SRD5A3: variants seen among roughly 807,000 people sequenced by gnomAD.
SRD5A3 encodes the protein polyprenal reductase.
SRD5A3 carries 24 observed loss-of-function variants against 34.3 expected under a neutral mutation model. That is an observed-to-expected ratio of 0.70 (90% CI 0.51 to 0.99). The LOEUF (loss-of-function observed/expected upper bound fraction) is 0.99. Among genes scored for constraint, SRD5A3 ranks in the 50% least tolerant of loss-of-function variants. The probability of loss-of-function intolerance (pLI) is 0.00; values close to 1 mark genes in which losing one functional copy is unlikely to be tolerated. For missense variants in SRD5A3, 350 were observed against 388.2 expected (o/e 0.90, Z 0.83); for synonymous variants, 161 against 167.3 (o/e 0.96, Z 0.29).
intron 4 of SRD5A3, 26 bp from the exon 5 acceptor site, chr4:55,369,806 T>C: frequency 6.2e-7 from 1 of 1,614,032 alleles, no homozygotes; most frequent in Non-Finnish European, 8.5e-7. Flanking sequence ...TTTAAATGCT[T>C]ATGAGATCTT....
chr4:55,367,463 A>C, intron 3 of SRD5A3, 125 bp from the exon 4 acceptor site: 3 of 1,155,954 alleles, frequency 2.6e-6, no homozygotes, highest in Middle Eastern at 4.4e-4. Context: ...GTACTTGGGA[A>C]ATTATATTAG....
chr4:55,348,337 CA>C lies in SRD5A3; in HGVS notation c.221+1788del, dbSNP rs542060126. Among the ~76,000 whole-genome samples the C allele has an allele frequency of 7.3e-5, 11 of 151,494 alleles. No individual in the cohort carries two copies. The East Asian group carries it at 1.7e-3, about 24-fold the overall frequency. ...ATAATGAAAGGCATTTTTATTGTGA[CA>C]AAAAAAAGATAACTTGCATCAAAAC... On this transcript the variant is annotated intron_variant, in intron 1 of 4. Coordinates refer to ENST00000264228, the MANE Select transcript of SRD5A3 (RefSeq NM_024592.5).
chr4:55,367,953 T>A (rs1376305920), intron 4 of SRD5A3, among the ~76,000 whole-genome samples: 1 of 152,196 alleles, frequency 6.6e-6, no homozygotes, highest in Admixed American at 6.5e-5. Context: ...CTACGTTTTG[T>A]GTCTGATCAG....
rs1719218475 is a variant in SRD5A3 at position 55,352,172 on chromosome 4, GA to G, written c.221+5619del. 1.6e-5 allele frequency: 14 copies of G among 895,976 alleles called. No individual in the cohort carries two copies. In the Admixed American group the frequency reaches 1.9e-4, roughly 12 times the overall value. The allele number at this position is 895,976 out of a possible 1,614,324, so 55.5% of individuals were successfully genotyped here. A position where few individuals can be genotyped will look rare whatever the true frequency, so the allele number is the denominator to read the frequency against. On this transcript the variant is annotated intron_variant, in intron 1 of 4. Transcript: ENST00000264228. ...CACTAAGTCTGGTTTGGCTTTTATG[GA>G]AAAGTTGATAAAGGTTGGTATCAAT...
chr4:55,352,209 TA>T, intron 1 of SRD5A3: 1 of 972,434 alleles, frequency 1.0e-6, no homozygotes, highest in Non-Finnish European at 1.7e-6. Context: ...GAGGATGTGG[TA>T]AGGTGGGCCC....
Position 55,369,815 on chromosome 4 carries a change from T to C in SRD5A3, c.698-17T>C, listed in dbSNP as rs1403857451. The C allele has an allele frequency of 6.2e-7, 1 of 1,614,152 alleles. No homozygotes were observed. The highest frequency in any genetic ancestry group is 2.2e-5 in the East Asian group (1 of 44,884). ...CAAACCTTTAAATGCTTATGAGATC[T>C]TCTTTTACCCTTTCAGGAGTGGTCA... On this transcript the variant is annotated splice_polypyrimidine_tract_variant and intron_variant, in intron 4 of 4. Transcript: ENST00000264228.
At chr4:55,356,587 G>C (rs556435743) in intron 1 of SRD5A3, among the ~76,000 whole-genome samples, 3 of 151,810 alleles carry the variant, frequency 2.0e-5, no homozygotes, top group Non-Finnish European at 2.9e-5. Context: ...TGAGCCTCCC[G>C]AGTAGCTGGA....
At chr4:55,356,540 T>C (rs1719468440) in intron 1 of SRD5A3, among the ~76,000 whole-genome samples, 1 of 151,548 alleles carries the variant, frequency 6.6e-6, no homozygotes, top group Non-Finnish European at 1.5e-5. Context: ...GCTGGAGTGC[T>C]GTGGCGGCAT....
At chr4:55,360,397 T>G (rs2109475003) in intron 2 of SRD5A3, among the ~76,000 whole-genome samples, 1 of 151,344 alleles carries the variant, frequency 6.6e-6, no homozygotes, top group South Asian at 2.1e-4. Context: ...TCCCAGCTAC[T>G]CGGGAGGCTG....
chr4:55,356,000 ATTTT>A (rs10648522), intron 1 of SRD5A3, among the ~76,000 whole-genome samples: 125 of 74,284 alleles, frequency 1.7e-3, no homozygotes, highest in Admixed American at 7.2e-3. Flanking sequence ...TTTTGCCTCC[ATTTT>A]TTTTTTTTTT....
rs376616205 is a variant in SRD5A3 at position 55,367,642 on chromosome 4, G to T, written c.617G>T (p.Gly206Val). Residue 206 changes from glycine to valine, a missense_variant, in exon 4 of 5, where the codon GGG becomes GTG. This residue lies in a region of SRD5A3 where 186 missense variants were observed against 221.4 expected (regional missense o/e 0.84). Coordinates refer to ENST00000264228, the MANE Select transcript of SRD5A3 (RefSeq NM_024592.5). ...LMQARWFHIL[G>V]MMMFIWSSAH... Reference sequence around the variant, plus strand: ...CAAGCACGGTGGTTCCATATTCTTGGGATGATGATGTTCATCTGGTCATCT... The same window carrying T: ...CAAGCACGGTGGTTCCATATTCTTGTGATGATGATGTTCATCTGGTCATCT... 5.6e-6 allele frequency: 9 copies of T among 1,613,968 alleles called. No homozygotes were observed. Among genetic ancestry groups the T allele is most frequent in the African/African-American group, 2.7e-5 (2 of 74,900 alleles).
intron 3 of SRD5A3, chr4:55,364,615 C>T: frequency 3.2e-6 from 1 of 308,032 alleles, no homozygotes; most frequent in Non-Finnish European, 6.3e-6. Flanking sequence ...ACTGGGGAGG[C>T]TGAGGCAGGA....
At position 55,359,383 on chromosome 4, in the gene SRD5A3, A is replaced by G. The variant is rs543050183; in HGVS notation, c.259A>G (p.Asn87Asp). ...CTTTTATATCATCTCAGTGCTGTGGAATGGCTTCCTGCTTTGGTGCCTTAC... is the reference window on the plus strand; with the variant it reads ...CTTTTATATCATCTCAGTGCTGTGGGATGGCTTCCTGCTTTGGTGCCTTAC... ...SHFYIISVLW[N>D]GFLLWCLTQS... The change falls in exon 2 of 5, where the codon AAT becomes GAT. Residue 87 changes from asparagine to aspartate, a missense_variant. Transcript: ENST00000264228. The G allele has an allele frequency of 4.3e-6, 7 of 1,613,772 alleles. No homozygotes were observed. The South Asian group carries it at 7.7e-5, about 18-fold the overall frequency.
chr4:55,368,402 T>G (rs1340513437), intron 4 of SRD5A3, among the ~76,000 whole-genome samples: 2 of 79,172 alleles, frequency 2.5e-5, no homozygotes, highest in Admixed American at 2.4e-4. Context: ...ATAGTTTTAT[T>G]TATTTATTTA....
chr4:55,348,019 A>G (rs7691980), intron 1 of SRD5A3, among the ~76,000 whole-genome samples: 2,280 of 152,324 alleles, frequency 0.015, 53 homozygotes, highest in African/African-American at 0.052. Flanking sequence ...TAAATGGCAC[A>G]TGTAAAATCA....
intron 1 of SRD5A3, 22 bp downstream of exon 1, chr4:55,346,579 G>A: frequency 6.4e-7 from 1 of 1,559,774 alleles, no homozygotes; most frequent in Non-Finnish European, 8.7e-7. Flanking sequence ...CCGGTCCCGA[G>A]CCGCGGTGGT....
At chr4:55,352,124 T>G (rs1389366491) in intron 1 of SRD5A3, 1 of 806,846 alleles carries the variant, frequency 1.2e-6, no homozygotes, top group Non-Finnish European at 2.3e-6. Context: ...ACACTTGGTA[T>G]ACAGACAGTC....
At chr4:55,350,404 A>G (rs902843012) in intron 1 of SRD5A3, among the ~76,000 whole-genome samples, 1 of 152,186 alleles carries the variant, frequency 6.6e-6, no homozygotes, top group South Asian at 2.1e-4. Flanking sequence ...CTATATTGCA[A>G]ATTTGTTTTT....
intron 4 of SRD5A3, among the ~76,000 whole-genome samples, chr4:55,368,701 C>T (rs145191911): frequency 9.6e-4 from 146 of 151,670 alleles, no homozygotes; most frequent in African/African-American, 3.4e-3. Context: ...GCTGGGATTA[C>T]AGGCGTGCAC....
Sources: gnomAD v4.1 joint callset for allele counts (sites outside exome capture counted in the v4.1 genomes callset) on GRCh38, gnomAD v4.1.1 for gene constraint, gnomAD v4.1.1 regional missense constraint, MANE v1.5 for transcripts, NCBI Gene and HGNC (gene_info 2026-07-23, HGNC 2026-07-21) for gene names.